The following AMN1 variants were observed in gnomAD, a reference collection of about 807,000 sequenced individuals.
AMN1 encodes the protein antagonist of mitotic exit network 1 homolog, also known as protein AMN1 homolog.
In AMN1, 20 loss-of-function variants were observed where a neutral mutation model predicts 33.0. The ratio of observed to expected loss-of-function variants is 0.61; its 90% confidence interval spans 0.43 to 0.88. The LOEUF (loss-of-function observed/expected upper bound fraction) is 0.88. Ranked by LOEUF, AMN1 falls within the 40% of genes least tolerant of loss-of-function variation. The probability of loss-of-function intolerance (pLI) is 0.00; values close to 1 mark genes in which losing one functional copy is unlikely to be tolerated. For synonymous variants in AMN1, 114 were observed against 111.9 expected (o/e 1.02, Z -0.12); for missense variants, 246 against 307.4 (o/e 0.80, Z 1.49).
chr12:31,677,952 G>A (rs949799914), intron 6 of AMN1, among the ~76,000 whole-genome samples: 2 of 152,062 alleles, frequency 1.3e-5, no homozygotes, highest in African/African-American at 2.4e-5. Context: ...GAGTGGCCCC[G>A]CCCTATACCC....
intron 6 of AMN1, among the ~76,000 whole-genome samples, chr12:31,686,797 C>A (rs946430418): frequency 6.6e-6 from 1 of 152,026 alleles, no homozygotes. Context: ...ATTGTAAAGT[C>A]GAAAAACTGT....
At position 31,687,954 on chromosome 12, in the gene AMN1, C is replaced by G. The variant is rs1304343634; in HGVS notation, c.703+1053G>C. Among the ~76,000 whole-genome samples the G allele has an allele frequency of 6.6e-6, 1 of 152,072 alleles. No individual in the cohort carries two copies. Among genetic ancestry groups the G allele is most frequent in the Non-Finnish European group, 1.5e-5 (1 of 68,006 alleles). On this transcript the variant is annotated intron_variant, in intron 6 of 6. Transcript: ENST00000281471. This position sits in a 1 kb window ranked among gnomAD's most constrained non-coding sequence, Gnocchi z 4.1. Reference sequence around the variant, plus strand: ...AGCCTAAGAGTCCAAATTTTTCTGACTTTTTGTTTGTTTGTTTGAGACGGA... The same window carrying G: ...AGCCTAAGAGTCCAAATTTTTCTGAGTTTTTGTTTGTTTGTTTGAGACGGA...
At chr12:31,710,055 C>T (rs1939407137) in intron 1 of AMN1, among the ~76,000 whole-genome samples, 1 of 152,036 alleles carries the variant, frequency 6.6e-6, no homozygotes, top group Admixed American at 6.6e-5. Flanking sequence ...ATATTGGGAC[C>T]CACTAATTGA....
At chr12:31,718,198 A>G (rs1215102694) in intron 1 of AMN1, among the ~76,000 whole-genome samples, 1 of 151,494 alleles carries the variant, frequency 6.6e-6, no homozygotes, top group Non-Finnish European at 1.5e-5. Context: ...CTTCTGCTTG[A>G]TCAATTTGGC....
chr12:31,680,995 G>A (rs1160735176), intron 6 of AMN1, among the ~76,000 whole-genome samples: 1 of 152,094 alleles, frequency 6.6e-6, no homozygotes, highest in East Asian at 1.9e-4. Flanking sequence ...GAACATGTTA[G>A]CCCACTTTAC....
At chr12:31,680,977 T>C (rs1235510368) in intron 6 of AMN1, among the ~76,000 whole-genome samples, 1 of 152,052 alleles carries the variant, frequency 6.6e-6, no homozygotes, top group Non-Finnish European at 1.5e-5. Flanking sequence ...AAAAATCAAA[T>C]ATAAGGTGAA....
intron 1 of AMN1, among the ~76,000 whole-genome samples, chr12:31,724,596 A>C (rs1415850672): frequency 6.6e-6 from 1 of 152,234 alleles, no homozygotes; most frequent in Non-Finnish European, 1.5e-5. Flanking sequence ...ACAAAACAGC[A>C]CATAAGGAGA....
At chr12:31,689,160 A>T (rs956113026) in intron 5 of AMN1, 42 bp from the exon 6 acceptor site, 2 of 1,340,218 alleles carry the variant, frequency 1.5e-6, no homozygotes, top group Non-Finnish European at 2.1e-6. Flanking sequence ...GAAAACAAAG[A>T]TCTATAATAA....
intron 6 of AMN1, 133 bp downstream of exon 6, chr12:31,688,874 G>C: frequency 2.2e-6 from 1 of 460,838 alleles, no homozygotes; most frequent in Non-Finnish European, 3.9e-6. Flanking sequence ...CTAAGTCTAT[G>C]AGGTAGGTAC....
rs112841301 is a variant in AMN1, at chr12:31,710,551, TACACACACACACACACAC to T, written c.39-1144_39-1127del. ...TCTTTCTTATTTTTCTCTGTTCTTG[TACACACACACACACACAC>T]ACACACACACACACACATTTAAAGG... On this transcript the variant is annotated intron_variant, in intron 1 of 6. Coordinates refer to ENST00000281471, the MANE Select transcript of AMN1 (RefSeq NM_001113402.2). 2.7e-5 allele frequency among the ~76,000 whole-genome samples: 4 copies of T among 147,426 alleles called. No homozygotes were observed. The South Asian group carries it at 8.7e-4, about 32-fold the overall frequency.
chr12:31,697,753 A>C lies in AMN1; in HGVS notation c.521T>G (p.Phe174Cys). Residue 174 changes from phenylalanine (F) to cysteine (C), a missense_variant, in exon 4 of 7, where the codon TTT becomes TGT. Coordinates refer to ENST00000281471, the MANE Select transcript of AMN1 (RefSeq NM_001113402.2). ...TATGTCATTTACCTGAGTAGCTGAA[A>C]AGTCGACACACTGCAAAAATGGGCA... ...KNCPFLQCVD[F>C]SATQVSDSGV... 2 of 1,613,964 alleles carry C rather than the reference A, an allele frequency of 1.2e-6. No homozygotes were observed. The highest frequency in any genetic ancestry group is 1.7e-6 in the Non-Finnish European group (2 of 1,179,864).
rs1032300018 is a variant in AMN1 at position 31,671,335 on chromosome 12, C to T, written c.*969G>A. On this transcript the variant is annotated 3_prime_UTR_variant, in exon 7 of 7. Coordinates refer to ENST00000281471, the MANE Select transcript of AMN1 (RefSeq NM_001113402.2). ...AGAAATGGAGTTGAATAAGTACCCCCCAACATATACAAGAAAGTTAGCATA... is the reference window on the plus strand; with the variant it reads ...AGAAATGGAGTTGAATAAGTACCCCTCAACATATACAAGAAAGTTAGCATA... The T allele has an allele frequency of 2.6e-5, 4 of 152,108 alleles. No homozygotes were observed. Among genetic ancestry groups the T allele is most frequent in the East Asian group, 1.9e-4 (1 of 5,200 alleles). 9.4% of individuals were successfully genotyped at this position (152,108 alleles called of 1,614,324 possible).
At chr12:31,729,099 G>T, upstream of AMN1, 1 of 1,372,566 alleles carries the variant, frequency 7.3e-7, no homozygotes, top group East Asian at 2.7e-5. Flanking sequence ...CGCGCGACGC[G>T]TAGGTTTTTG....
At chr12:31,672,932 A>G (rs957783122) in intron 6 of AMN1, 1 of 152,882 alleles carries the variant, frequency 6.5e-6, no homozygotes. Flanking sequence ...TAATACTACT[A>G]TAAAGCATGA....
chr12:31,712,050 C>T (rs1333053439), intron 1 of AMN1, among the ~76,000 whole-genome samples: 1 of 151,422 alleles, frequency 6.6e-6, no homozygotes, highest in African/African-American at 2.4e-5. Context: ...TCCCCCCTCC[C>T]TCCCTTCCTC....
chr12:31,685,563 G>T (rs1938220904), intron 6 of AMN1, among the ~76,000 whole-genome samples: 1 of 152,066 alleles, frequency 6.6e-6, no homozygotes, highest in Admixed American at 6.6e-5. Context: ...AACTTTGGGA[G>T]GCCAAGGCGG....
intron 6 of AMN1, chr12:31,673,011 GT>G (rs957772244): frequency 5.8e-4 from 89 of 152,200 alleles, no homozygotes; most frequent in African/African-American, 2.0e-3. Context: ...ACATTTAGAT[GT>G]TTTCAGTTTT....
chr12:31,691,403 A>C (rs997068993), intron 5 of AMN1, among the ~76,000 whole-genome samples: 2 of 151,856 alleles, frequency 1.3e-5, no homozygotes, highest in Non-Finnish European at 2.9e-5. Flanking sequence ...GACCAGAGAC[A>C]AAAAAACAAA....
At position 31,689,041 on chromosome 12, in the gene AMN1, A is replaced by T. The variant is rs996864526; in HGVS notation, c.669T>A (p.Arg223=). 1 of 1,613,484 alleles carries T rather than the reference A, an allele frequency of 6.2e-7. No individual in the cohort carries two copies. Among genetic ancestry groups the T allele is most frequent in the African/African-American group, 1.3e-5 (1 of 75,026 alleles). Residue 223 remains arginine, a synonymous_variant, in exon 6 of 7, where the codon CGT becomes CGA. Transcript: ENST00000281471. ...EAVLTYCPQI[R]ILLFHGCPLI... The stretch of plus-strand genomic sequence containing the variant: ...AGGGGCATCCATGGAAGAGTAATAT[A>T]CGTATTTGAGGACAGTAAGTAAGGA...
Sources: gnomAD v4.1 joint callset for allele counts (sites outside exome capture counted in the v4.1 genomes callset) on GRCh38, gnomAD v4.1.1 for gene constraint, Gnocchi (gnomAD v3.1) non-coding constraint, MANE v1.5 for transcripts, NCBI Gene and HGNC (gene_info 2026-07-23, HGNC 2026-07-21) for gene names.